NFIC: variants seen among roughly 807,000 people sequenced by gnomAD.
The protein encoded by NFIC is nuclear factor I C.
NFIC carries 12 observed loss-of-function variants against 54.4 expected under a neutral mutation model. That is an observed-to-expected ratio of 0.22 (90% CI 0.14 to 0.36). NFIC has a LOEUF of 0.36. Among genes scored for constraint, NFIC ranks in the 10% least tolerant of loss-of-function variants. NFIC has a pLI of 1.00. For missense variants in NFIC, 575 were observed against 718.2 expected, an observed-to-expected ratio of 0.80 and a Z score of 2.28; for synonymous variants, 322 against 319.2, an observed-to-expected ratio of 1.01 and a Z score of -0.09.
intron 6 of NFIC, among the ~76,000 whole-genome samples, chr19:3,445,112 CAT>C (rs1286811610): frequency 6.6e-6 from 1 of 152,216 alleles, no homozygotes; most frequent in Non-Finnish European, 1.5e-5. Context: ...CGTACACACA[CAT>C]GCACAGACAT....
chr19:3,437,228 C>T (rs1219282117), intron 6 of NFIC, among the ~76,000 whole-genome samples: 4 of 152,164 alleles, frequency 2.6e-5, no homozygotes, highest in Middle Eastern at 3.4e-3. Flanking sequence ...AATAGCCGGG[C>T]GTGGCGGCGG....
At chr19:3,404,684 G>A (rs1247625894) in intron 2 of NFIC, among the ~76,000 whole-genome samples, 1 of 152,142 alleles carries the variant, frequency 6.6e-6, no homozygotes, top group East Asian at 1.9e-4. Context: ...CGCCAAGGCC[G>A]GAGAAACATC....
At chr19:3,455,071 G>A (rs917232284) in intron 9 of NFIC, among the ~76,000 whole-genome samples, 8 of 152,218 alleles carry the variant, frequency 5.3e-5, no homozygotes, top group Non-Finnish European at 8.8e-5. Flanking sequence ...GGGCAGTGGG[G>A]GACAAGCCGG....
rs963583280 is a variant in NFIC, at chr19:3,464,626, G to C, written c.*1857G>C. ...CAGGCCAAAGCCAGGGCAGGTCTCC[G>C]GGTCTCACCTGCTCCTAGCCTCACC... On this transcript the variant is annotated 3_prime_UTR_variant, in exon 11 of 11. Coordinates refer to ENST00000443272, the MANE Select transcript of NFIC (RefSeq NM_001245002.2). 3.1e-6 allele frequency: 3 copies of C among 953,612 alleles called. No homozygotes were observed. Among genetic ancestry groups the C allele is most frequent in the Admixed American group, 1.4e-4 (2 of 14,282 alleles). The allele number at this position is 953,612 out of a possible 1,614,324, so 59.1% of individuals were successfully genotyped here. A position where few individuals can be genotyped will look rare whatever the true frequency, so the allele number is the denominator to read the frequency against.
intron 4 of NFIC, 125 bp downstream of exon 4, chr19:3,433,717 A>G: frequency 9.1e-7 from 1 of 1,094,326 alleles, no homozygotes. Flanking sequence ...CACTAAGCCA[A>G]GGTTCCTAGA....
chr19:3,452,471 T>C lies in NFIC; in HGVS notation c.1085-11T>C, dbSNP rs1321832898. Reference sequence around the variant, plus strand: ...CCCCCAAGTAACCCCCGCTTCCCACTGTCTCCGCAGGGATCGCCCGGAGCC... The same window carrying C: ...CCCCCAAGTAACCCCCGCTTCCCACCGTCTCCGCAGGGATCGCCCGGAGCC... On this transcript the variant is annotated splice_polypyrimidine_tract_variant and intron_variant, in intron 7 of 10. Transcript: ENST00000443272. This position sits in a 1 kb window ranked among gnomAD's most constrained non-coding sequence, Gnocchi z 5.3. 1.9e-6 allele frequency: 3 copies of C among 1,609,998 alleles called. No individual in the cohort carries two copies. The highest frequency in any genetic ancestry group is 1.3e-5 in the African/African-American group (1 of 74,868).
rs1263069986 is a variant in NFIC at position 3,370,688 on chromosome 19, C to T, written c.30+4022C>T. ...CTCCCTCTCTGTTCCTCTTCTTTCTCTCTGTCTGTCTCTTTCTTTCTCCCT... is the reference window on the plus strand; with the variant it reads ...CTCCCTCTCTGTTCCTCTTCTTTCTTTCTGTCTGTCTCTTTCTTTCTCCCT... On this transcript the variant is annotated intron_variant, in intron 1 of 10. Transcript: ENST00000443272. The surrounding 1 kb of genome is among the most constrained non-coding windows in gnomAD (Gnocchi z 5.2). 2.1e-5 allele frequency among the ~76,000 whole-genome samples: 1 copy of T among 48,584 alleles called. No individual in the cohort carries two copies. Among genetic ancestry groups the T allele is most frequent in the South Asian group, 5.2e-4 (1 of 1,934 alleles). The allele number at this position is 48,584 out of a possible 152,430, so 31.9% of individuals were successfully genotyped here. A position where few individuals can be genotyped will look rare whatever the true frequency, so the allele number is the denominator to read the frequency against.
intron 2 of NFIC, among the ~76,000 whole-genome samples, chr19:3,386,108 T>C (rs946750742): frequency 6.7e-6 from 1 of 149,692 alleles, no homozygotes; most frequent in African/African-American, 2.4e-5. Flanking sequence ...CAACTCCGGC[T>C]GGGTGTGGTG....
rs11670516 is a variant in NFIC, at chr19:3,412,609, A to T, written c.563-12497A>T. On this transcript the variant is annotated intron_variant, in intron 2 of 10. Transcript: ENST00000443272. ...GACAAAACTGGGTTGGTGCATCCACATCCCTCTCTGTGTGATGCTGGGTAA... is the reference window on the plus strand; with the variant it reads ...GACAAAACTGGGTTGGTGCATCCACTTCCCTCTCTGTGTGATGCTGGGTAA... Among the ~76,000 whole-genome samples, 839 of 152,134 alleles carry T rather than the reference A, an allele frequency of 5.5e-3. 5 individuals carry two copies. Among genetic ancestry groups the T allele is most frequent in the Middle Eastern group, 0.01 (3 of 294 alleles).
upstream of NFIC, chr19:3,366,546 T>TGGGGG (rs1568394588): frequency 9.8e-5 from 31 of 317,330 alleles, no homozygotes; most frequent in South Asian, 4.0e-4. Flanking sequence ...GGGGGGGGGG[T>TGGGGG]TGGGGGGGGC....
At chr19:3,412,068 A>T (rs1161184015) in intron 2 of NFIC, among the ~76,000 whole-genome samples, 8 of 152,150 alleles carry the variant, frequency 5.3e-5, no homozygotes, top group Non-Finnish European at 1.2e-4. Context: ...ATTGGAAAAG[A>T]TGTTCATTTA....
intron 2 of NFIC, among the ~76,000 whole-genome samples, chr19:3,393,941 T>C (rs1599604203): frequency 6.6e-6 from 1 of 151,488 alleles, no homozygotes; most frequent in Admixed American, 6.6e-5. Flanking sequence ...TTTTAAGTAA[T>C]GTTAATTTTT....
rs374013483 is a variant in NFIC, at chr19:3,370,228, A to C, written c.30+3562A>C. On this transcript the variant is annotated intron_variant, in intron 1 of 10. Transcript: ENST00000443272. This position sits in a 1 kb window ranked among gnomAD's most constrained non-coding sequence, Gnocchi z 5.2. Reference sequence around the variant, plus strand: ...AGTGGGGCTGGCAGAGCTGGGGTTCAGGCCATTTTCCATCTGGCGGCTTGG... The same window carrying C: ...AGTGGGGCTGGCAGAGCTGGGGTTCCGGCCATTTTCCATCTGGCGGCTTGG... Among the ~76,000 whole-genome samples, 8 of 152,050 alleles carry C rather than the reference A, an allele frequency of 5.3e-5. No homozygotes were observed. In the East Asian group the frequency reaches 9.7e-4, roughly 18 times the overall value.
intron 6 of NFIC, among the ~76,000 whole-genome samples, chr19:3,444,379 T>A (rs909113501): frequency 5.3e-5 from 8 of 152,236 alleles, no homozygotes; most frequent in Non-Finnish European, 8.8e-5. Flanking sequence ...GGGAGGGGCG[T>A]ATGGATGTGT....
chr19:3,435,428 C>CAGAGACT (rs1568181228), intron 6 of NFIC, among the ~76,000 whole-genome samples: 1 of 152,228 alleles, frequency 6.6e-6, no homozygotes, highest in Non-Finnish European at 1.5e-5. Context: ...CGAAGGAGGG[C>CAGAGACT]AGAGACTGTC....
In NFIC at chr19:3,452,680, G is replaced by C. The variant is rs2082485804; in HGVS notation, c.1269+14G>C. The C allele has an allele frequency of 1.9e-6, 3 of 1,583,448 alleles. No homozygotes were observed. The highest frequency in any genetic ancestry group is 2.7e-5 in the African/African-American group (2 of 74,444). ...CAACCTGGACCGGTGAGTTGGGCGG[G>C]GCGCATTCGGGCCTCTCCTGGCGGC... On this transcript the variant is annotated intron_variant, in intron 8 of 10. Coordinates refer to ENST00000443272, the MANE Select transcript of NFIC (RefSeq NM_001245002.2). The surrounding 1 kb of genome is among the most constrained non-coding windows in gnomAD (Gnocchi z 5.3).
intron 6 of NFIC, among the ~76,000 whole-genome samples, chr19:3,435,603 A>G (rs2082188657): frequency 6.6e-6 from 1 of 151,698 alleles, no homozygotes; most frequent in South Asian, 2.1e-4. Flanking sequence ...CTTCCCCTCT[A>G]GAAGGTCCTG....
intron 6 of NFIC, among the ~76,000 whole-genome samples, chr19:3,442,134 T>C (rs1305847638): frequency 6.6e-6 from 1 of 152,310 alleles, no homozygotes; most frequent in African/African-American, 2.4e-5. Flanking sequence ...CCTCTAGGCT[T>C]TGCCCGCTTG....
intron 1 of NFIC, among the ~76,000 whole-genome samples, chr19:3,378,310 G>A (rs1379372124): frequency 6.6e-6 from 1 of 151,084 alleles, no homozygotes; most frequent in Non-Finnish European, 1.5e-5. Flanking sequence ...TGTTGCCCAG[G>A]CTGGGATTGA....
Sources: gnomAD v4.1 joint callset for allele counts (sites outside exome capture counted in the v4.1 genomes callset) on GRCh38, gnomAD v4.1.1 for gene constraint, Gnocchi (gnomAD v3.1) non-coding constraint, MANE v1.5 for transcripts, NCBI Gene and HGNC (gene_info 2026-07-23, HGNC 2026-07-21) for gene names.